FARS2: variants seen among roughly 807,000 people sequenced by gnomAD.
FARS2 encodes phenylalanyl-tRNA synthetase 2, mitochondrial, also known as phenylalanine--tRNA ligase, mitochondrial.
Under a neutral mutation model 46.4 loss-of-function variants are expected in FARS2, and 40 were observed. The ratio of observed to expected loss-of-function variants is 0.86; its 90% CI spans 0.67 to 1.12. The LOEUF is 1.12. Among genes scored for constraint, FARS2 ranks in the 50% most tolerant of loss-of-function variants. FARS2 has a pLI of 0.00. For missense variants in FARS2, 513 were observed against 567.9 expected (o/e 0.90, Z 0.98); for synonymous variants, 234 against 214.9 (o/e 1.09, Z -0.78).
chr6:5,712,660 C>T (rs1211886241), intron 6 of FARS2, among the ~76,000 whole-genome samples: 3 of 152,264 alleles, frequency 2.0e-5, no homozygotes, highest in Admixed American at 6.5e-5. Flanking sequence ...AGCTAAGGCA[C>T]GTCTGATCAT....
rs182224024 is a variant in FARS2, at chr6:5,292,999, C to T, written c.-22+31339C>T. 3.5e-4 allele frequency among the ~76,000 whole-genome samples: 53 copies of T among 152,270 alleles called. 1 individual carries two copies. Among genetic ancestry groups the T allele is most frequent in the African/African-American group, 1.2e-3 (50 of 41,556 alleles). On this transcript the variant is annotated intron_variant, in intron 1 of 6. Coordinates refer to ENST00000274680, the MANE Select transcript of FARS2 (RefSeq NM_006567.5). The stretch of plus-strand genomic sequence containing the variant: ...GGTGCAACCAATGTGCAACCAATGG[C>T]GGCCAATGCCGCACAGAATTCAAGT...
intron 6 of FARS2, among the ~76,000 whole-genome samples, chr6:5,627,932 AG>A (rs1252133031): frequency 6.9e-6 from 1 of 144,186 alleles, no homozygotes; most frequent in African/African-American, 2.9e-5. Context: ...AATACTCCTT[AG>A]AAACAGAAGT....
intron 1 of FARS2, among the ~76,000 whole-genome samples, chr6:5,326,502 C>T (rs909044833): frequency 1.3e-5 from 2 of 152,230 alleles, no homozygotes; most frequent in Middle Eastern, 3.2e-3. Flanking sequence ...GCTCCGAGAT[C>T]CACCTACAGG....
intron 5 of FARS2, among the ~76,000 whole-genome samples, chr6:5,575,916 A>G (rs867590832): frequency 7.9e-5 from 12 of 152,086 alleles, no homozygotes; most frequent in African/African-American, 2.7e-4. Context: ...GTCCTTTTCA[A>G]TGCATTGTGT....
intron 4 of FARS2, among the ~76,000 whole-genome samples, chr6:5,519,974 T>G (rs1203785191): frequency 6.6e-6 from 1 of 152,208 alleles, no homozygotes; most frequent in Non-Finnish European, 1.5e-5. Flanking sequence ...TCCTTAAAAT[T>G]CGACTTTGCT....
intron 3 of FARS2, among the ~76,000 whole-genome samples, chr6:5,415,802 G>T (rs1006213313): frequency 2.0e-5 from 3 of 151,854 alleles, no homozygotes; most frequent in African/African-American, 4.8e-5. Flanking sequence ...TGACCTCCCA[G>T]GTCAAGCGAT....
chr6:5,712,557 C>T (rs979222330), intron 6 of FARS2, among the ~76,000 whole-genome samples: 1 of 152,246 alleles, frequency 6.6e-6, no homozygotes. Flanking sequence ...GAAATGTAGA[C>T]AGTTCCTGTT....
intron 4 of FARS2, among the ~76,000 whole-genome samples, chr6:5,486,814 T>C (rs1766803167): frequency 6.6e-6 from 1 of 152,226 alleles, no homozygotes; most frequent in Admixed American, 6.5e-5. Context: ...CCTTCTGTCC[T>C]TCCAAGCAAA....
chr6:5,440,508 G>A (rs1278993198), intron 4 of FARS2, among the ~76,000 whole-genome samples: 1 of 152,184 alleles, frequency 6.6e-6, no homozygotes, highest in Non-Finnish European at 1.5e-5. Context: ...GTTTATAAAA[G>A]TGGAATTACT....
chr6:5,283,979 A>C (rs1211827603), intron 1 of FARS2, among the ~76,000 whole-genome samples: 1 of 152,240 alleles, frequency 6.6e-6, no homozygotes, highest in African/African-American at 2.4e-5. Context: ...ATGCATTTAA[A>C]ATGTTGATAG....
rs376254874 is a variant in FARS2 at position 5,304,115 on chromosome 6, C to T, written c.-22+42455C>T. Among the ~76,000 whole-genome samples the T allele has an allele frequency of 3.2e-4, 49 of 152,280 alleles. No individual in the cohort carries two copies. The South Asian group carries it at 9.3e-3, about 29-fold the overall frequency. On this transcript the variant is annotated intron_variant, in intron 1 of 6. Transcript: ENST00000274680. ...GATTATCTTTTAATTATAGAGGCAT[C>T]ATAGCAGTATTACAAAAAGCTTAGA...
intron 5 of FARS2, 78 bp from the exon 6 acceptor site, chr6:5,613,091 T>A: frequency 1.6e-6 from 2 of 1,283,024 alleles, no homozygotes; most frequent in South Asian, 2.6e-5. Context: ...ATTAGTCAAG[T>A]GCAACTTTTT....
intron 6 of FARS2, among the ~76,000 whole-genome samples, chr6:5,714,446 G>C (rs1759371788): frequency 6.6e-6 from 1 of 152,154 alleles, no homozygotes; most frequent in Non-Finnish European, 1.5e-5. Flanking sequence ...CTCTAGCACA[G>C]AGTCCATGAA....
chr6:5,406,003 C>T lies in FARS2; in HGVS notation c.772+1302C>T, dbSNP rs138235405. On this transcript the variant is annotated intron_variant, in intron 3 of 6. Coordinates refer to ENST00000274680, the MANE Select transcript of FARS2 (RefSeq NM_006567.5). Reference sequence around the variant, plus strand: ...TTATTTTTCAAAAAATATTTGTTTTCAGTAATGCCACCTTCCCCCTCCAGC... The same window carrying T: ...TTATTTTTCAAAAAATATTTGTTTTTAGTAATGCCACCTTCCCCCTCCAGC... Among the ~76,000 whole-genome samples, 188 of 152,264 alleles carry T rather than the reference C, an allele frequency of 1.2e-3. 1 individual carries two copies. Among genetic ancestry groups the T allele is most frequent in the Admixed American group, 5.8e-3 (89 of 15,310 alleles).
intron 2 of FARS2, among the ~76,000 whole-genome samples, chr6:5,396,763 G>A (rs575377143): frequency 9.9e-5 from 15 of 152,194 alleles, no homozygotes; most frequent in Admixed American, 3.3e-4. Flanking sequence ...GCAGCTGAGC[G>A]ATCAGGCCTC....
intron 6 of FARS2, among the ~76,000 whole-genome samples, chr6:5,685,287 A>G (rs1399039580): frequency 2.0e-5 from 3 of 152,200 alleles, no homozygotes; most frequent in African/African-American, 7.2e-5. Context: ...AGCCAGGTAC[A>G]GGAACTAAGA....
In FARS2 at chr6:5,419,446, G is replaced by A. The variant is rs763982724; in HGVS notation, c.773-11595G>A. On this transcript the variant is annotated intron_variant, in intron 3 of 6. Coordinates refer to ENST00000274680, the MANE Select transcript of FARS2 (RefSeq NM_006567.5). The stretch of plus-strand genomic sequence containing the variant: ...TATGTTTTAGAATTTTGGGTTGCAG[G>A]GTCATATTCAGAGGAAGGTTTTTTT... Among the ~76,000 whole-genome samples, 70 of 151,700 alleles carry A rather than the reference G, an allele frequency of 4.6e-4. 1 individual carries two copies. Among genetic ancestry groups the A allele is most frequent in the Admixed American group, 5.9e-4 (9 of 15,212 alleles).
At chr6:5,574,752 T>C (rs1772859402) in intron 5 of FARS2, among the ~76,000 whole-genome samples, 1 of 152,230 alleles carries the variant, frequency 6.6e-6, no homozygotes, top group South Asian at 2.1e-4. Flanking sequence ...CTTTGTTTTA[T>C]GTGTGTTTCT....
chr6:5,648,836 A>G (rs1421820134), intron 6 of FARS2, among the ~76,000 whole-genome samples: 1 of 152,044 alleles, frequency 6.6e-6, no homozygotes, highest in Admixed American at 6.5e-5. Flanking sequence ...ACTGGCAAAC[A>G]CCTTTTGTGG....
Sources: gnomAD v4.1 joint callset for allele counts (sites outside exome capture counted in the v4.1 genomes callset) on GRCh38, gnomAD v4.1.1 for gene constraint, MANE v1.5 for transcripts, NCBI Gene and HGNC (gene_info 2026-07-23, HGNC 2026-07-21) for gene names.